The following TTLL8 variants were observed in gnomAD, a reference collection of about 807,000 sequenced individuals.
TTLL8 encodes protein monoglycylase TTLL8.
A neutral mutation model predicts 77.8 loss-of-function variants in TTLL8; 65 were observed. The observed-to-expected ratio is 0.84, with a 90% CI of 0.68 to 1.03. The LOEUF is 1.03. Among genes scored for constraint, TTLL8 ranks in the 50% least tolerant of loss-of-function variants. The probability of loss-of-function intolerance (pLI) is 0.00; values close to 1 mark genes in which losing one functional copy is unlikely to be tolerated. For synonymous variants in TTLL8, 402 were observed against 422.8 expected (o/e 0.95, Z 0.60); for missense variants, 910 against 1,004.5 (o/e 0.91, Z 1.27).
chr22:50,041,829 A>G lies in TTLL8; in HGVS notation c.644-22T>C, dbSNP rs750671753. 1.5e-6 allele frequency: 2 copies of G among 1,351,416 alleles called. No individual in the cohort carries two copies. Among genetic ancestry groups the G allele is most frequent in the Admixed American group, 4.0e-5 (2 of 49,744 alleles). 83.7% of individuals were successfully genotyped at this position (1,351,416 alleles called of 1,614,324 possible). The stretch of plus-strand genomic sequence containing the variant: ...GCATCTGAAACCCAGACACAGGCAC[A>G]TGCAGTGGGAACCTCACCCAGGGGC... On this transcript the variant is annotated intron_variant, in intron 6 of 13. Coordinates refer to ENST00000266182, the Ensembl canonical transcript of TTLL8. This position sits in a 1 kb window ranked among gnomAD's most constrained non-coding sequence, Gnocchi z 4.3.
Position 50,044,826 on chromosome 22 carries a change from G to A in TTLL8, c.643+429C>T, listed in dbSNP as rs754925534. ...AGATTTGGGTTTTGTCCAAAAACACGACGGCTGGTTCACATCCCTGTACCA... is the reference window on the plus strand; with the variant it reads ...AGATTTGGGTTTTGTCCAAAAACACAACGGCTGGTTCACATCCCTGTACCA... On this transcript the variant is annotated intron_variant, in intron 6 of 13. Coordinates refer to ENST00000266182, the Ensembl canonical transcript of TTLL8. The surrounding 1 kb of genome is among the most constrained non-coding windows in gnomAD (Gnocchi z 4.2). 1.3e-5 allele frequency among the ~76,000 whole-genome samples: 2 copies of A among 152,084 alleles called. No individual in the cohort carries two copies. The highest frequency in any genetic ancestry group is 6.5e-5 in the Admixed American group (1 of 15,280).
intron 11 of TTLL8, 29 bp from the exon 13 acceptor site, chr22:50,030,954 G>A: frequency 7.6e-7 from 1 of 1,308,014 alleles, no homozygotes. Flanking sequence ...TTGGGGTGCT[G>A]GGCTGTGGCC....
chr22:50,030,713 C>A, exon 12 of TTLL8: 1 of 1,301,678 alleles, frequency 7.7e-7, no homozygotes, highest in Non-Finnish European at 1.0e-6. Flanking sequence ...TCTCTTCCTT[C>A]AGTCCCAAGT....
intron 3 of TTLL8, 127 bp downstream of exon 5, chr22:50,049,122 G>A: frequency 7.7e-7 from 1 of 1,304,794 alleles, no homozygotes; most frequent in Non-Finnish European, 1.0e-6. Flanking sequence ...GCCCTGCTGT[G>A]ACTGGGGCTT....
rs1017285430 is a variant in TTLL8 at position 50,025,027 on chromosome 22, T to C, written c.2203+5403A>G. 5.3e-5 allele frequency among the ~76,000 whole-genome samples: 8 copies of C among 152,278 alleles called. No individual in the cohort carries two copies. The East Asian group carries it at 5.8e-4, about 11-fold the overall frequency. ...CACAAGAGTGAGCCCATTTGTATCA[T>C]TGGCTTTTACAACACCATACACAAG... On this transcript the variant is annotated intron_variant, in intron 12 of 13. Transcript: ENST00000266182.
chr22:50,043,719 C>T (rs1463906176), intron 6 of TTLL8, among the ~76,000 whole-genome samples: 1 of 152,186 alleles, frequency 6.6e-6, no homozygotes, highest in Admixed American at 6.5e-5. Flanking sequence ...ATGAAAAGAC[C>T]TGGAGGGATC....
chr22:50,056,961 G>T (rs1416665704), upstream of TTLL8: 24 of 1,289,674 alleles, frequency 1.9e-5, no homozygotes, highest in East Asian at 1.3e-3. The surrounding 1 kb of genome is among the most constrained non-coding windows in gnomAD (Gnocchi z 4.1). Context: ...CTTGCCCTTT[G>T]CTCCTCTGAC....
chr22:50,026,293 ACAGCCGCCAC>A (rs1232805607), intron 12 of TTLL8, among the ~76,000 whole-genome samples: 1 of 152,090 alleles, frequency 6.6e-6, no homozygotes, highest in Non-Finnish European at 1.5e-5. Context: ...GCCACCCTGC[ACAGCCGCCAC>A]CTCAGAGGGG....
At chr22:50,050,285 A>G (rs2061437542) in intron 1 of TTLL8, 38 bp from the exon 4 acceptor site, 1 of 1,295,304 alleles carries the variant, frequency 7.7e-7, no homozygotes, top group Non-Finnish European at 1.0e-6. Context: ...TATTTCAATC[A>G]TTTTTGGGGA....
At chr22:50,031,872 G>A (rs55803307) in exon 11 of TTLL8, 29 of 1,367,252 alleles carry the variant, frequency 2.1e-5, no homozygotes, top group Non-Finnish European at 2.7e-5. Context: ...CAGCCCCGTA[G>A]AGCTCAAAGC....
chr22:50,050,192 C>T (rs772843480), exon 2 of TTLL8: 5 of 1,362,820 alleles, frequency 3.7e-6, no homozygotes, highest in Admixed American at 3.9e-5. Context: ...GCCCTTCCTT[C>T]GCAGAGCGGC....
At chr22:50,038,069 A>G (rs780711543) in intron 8 of TTLL8, among the ~76,000 whole-genome samples, 2 of 152,126 alleles carry the variant, frequency 1.3e-5, no homozygotes, top group Non-Finnish European at 2.9e-5. Context: ...ATAACTTTAA[A>G]TTTAGGGTCT....
At chr22:50,033,484 C>G (rs1279797936) in intron 9 of TTLL8, 39 bp from the exon 11 acceptor site, 1 of 1,341,568 alleles carries the variant, frequency 7.5e-7, no homozygotes, top group Non-Finnish European at 9.9e-7. Context: ...TGCACAGCCA[C>G]TGTGCAGCGG....
At chr22:50,031,925 C>T (rs1295895844) in exon 11 of TTLL8, 19 of 1,367,002 alleles carry the variant, frequency 1.4e-5, no homozygotes, top group South Asian at 1.4e-4. Flanking sequence ...ACCTTCATGG[C>T]GTGGGCGATG....
At position 50,041,602 on chromosome 22, in the gene TTLL8, G is replaced by C. The variant is rs377450941; in HGVS notation, c.830+19C>G. 3 of 1,332,566 alleles carry C rather than the reference G, an allele frequency of 2.3e-6. No homozygotes were observed. Among genetic ancestry groups the C allele is most frequent in the African/African-American group, 1.5e-5 (1 of 66,498 alleles). The allele number at this position is 1,332,566 out of a possible 1,614,324, so 82.5% of individuals were successfully genotyped here. A position where few individuals can be genotyped will look rare whatever the true frequency, so the allele number is the denominator to read the frequency against. Reference sequence around the variant, plus strand: ...CACTCACAGCTCCGACATGTGCCAGGGGCCTGCGTAAGTCTTACTGAACGA... The same window carrying C: ...CACTCACAGCTCCGACATGTGCCAGCGGCCTGCGTAAGTCTTACTGAACGA... On this transcript the variant is annotated intron_variant, in intron 7 of 13. Coordinates refer to ENST00000266182, the Ensembl canonical transcript of TTLL8. This position sits in a 1 kb window ranked among gnomAD's most constrained non-coding sequence, Gnocchi z 4.3.
At chr22:50,022,580 C>T (rs1291582541) in intron 12 of TTLL8, among the ~76,000 whole-genome samples, 5 of 151,936 alleles carry the variant, frequency 3.3e-5, no homozygotes, top group Non-Finnish European at 7.4e-5. Flanking sequence ...GATGTGCACG[C>T]CTCCATTTGA....
upstream of TTLL8, among the ~76,000 whole-genome samples, chr22:50,056,633 T>C (rs1331100097): frequency 1.3e-5 from 2 of 152,106 alleles, no homozygotes; most frequent in Non-Finnish European, 2.9e-5. The surrounding 1 kb of genome is among the most constrained non-coding windows in gnomAD (Gnocchi z 4.1). Context: ...AATTTCCCAG[T>C]TTCCCAGGAA....
At chr22:50,045,611 C>T (rs962304984) in intron 5 of TTLL8, among the ~76,000 whole-genome samples, 1 of 152,188 alleles carries the variant, frequency 6.6e-6, no homozygotes, top group African/African-American at 2.4e-5. Flanking sequence ...ACCACGGAGC[C>T]GGCCTTGCCC....
At chr22:50,036,148 G>A (rs2146660629) in intron 8 of TTLL8, among the ~76,000 whole-genome samples, 1 of 152,322 alleles carries the variant, frequency 6.6e-6, no homozygotes, top group Admixed American at 6.5e-5. Context: ...GGGCACACCT[G>A]CCAGGGGTCC....
Sources: gnomAD v4.1 joint callset for allele counts (sites outside exome capture counted in the v4.1 genomes callset) on GRCh38, gnomAD v4.1.1 for gene constraint, Gnocchi (gnomAD v3.1) non-coding constraint, MANE v1.5 for transcripts, NCBI Gene and HGNC (gene_info 2026-07-23, HGNC 2026-07-21) for gene names.